TSPAN5: variants seen among roughly 807,000 people sequenced by gnomAD.
TSPAN5 encodes tetraspanin 5, also known as tetraspanin-5.
Under a neutral mutation model 37.1 loss-of-function variants are expected in TSPAN5, and 10 were observed. The ratio of observed to expected loss-of-function variants is 0.27; its 90% CI spans 0.17 to 0.46. The LOEUF is 0.46. Among genes scored for constraint, TSPAN5 ranks in the 20% least tolerant of loss-of-function variants. The pLI is 1.00. For missense variants in TSPAN5, 195 were observed against 326.6 expected (o/e 0.60, Z 3.11); for synonymous variants, 110 against 118.9 (o/e 0.93, Z 0.48).
intron 1 of TSPAN5, among the ~76,000 whole-genome samples, chr4:98,524,474 T>G (rs931399205): frequency 6.6e-6 from 1 of 152,152 alleles, no homozygotes; most frequent in African/African-American, 2.4e-5. Context: ...TAATTAGTGC[T>G]CCATGTCAAT....
chr4:98,532,037 C>T (rs200772403), intron 1 of TSPAN5, among the ~76,000 whole-genome samples: 27 of 152,228 alleles, frequency 1.8e-4, no homozygotes, highest in African/African-American at 6.0e-4. Flanking sequence ...TAGTTTCTTT[C>T]GCTGTGCAGA....
chr4:98,618,034 C>T (rs1174957191), intron 1 of TSPAN5, among the ~76,000 whole-genome samples: 2 of 152,190 alleles, frequency 1.3e-5, no homozygotes, highest in Non-Finnish European at 2.9e-5. Context: ...AGCTCTTGTA[C>T]ACAACCTTGG....
At chr4:98,598,964 A>G (rs1490131628) in intron 1 of TSPAN5, among the ~76,000 whole-genome samples, 1 of 152,188 alleles carries the variant, frequency 6.6e-6, no homozygotes, top group Non-Finnish European at 1.5e-5. Flanking sequence ...AAGTTTGCCA[A>G]AGAGCAACAG....
intron 1 of TSPAN5, among the ~76,000 whole-genome samples, chr4:98,557,941 G>A (rs369045678): frequency 9.2e-5 from 14 of 152,274 alleles, no homozygotes; most frequent in African/African-American, 3.1e-4. Flanking sequence ...CTACGAAACT[G>A]TCACAGCCAA....
At position 98,615,934 on chromosome 4, in the gene TSPAN5, C is replaced by T. The variant is rs556117360; in HGVS notation, c.81+42212G>A. Among the ~76,000 whole-genome samples, 6 of 152,246 alleles carry T rather than the reference C, an allele frequency of 3.9e-5. No individual in the cohort carries two copies. The East Asian group carries it at 5.8e-4, about 15-fold the overall frequency. ...GAAATGTCAGGGCACGTGGCAACTA[C>T]AGCAAGAGAAGAAGCAGAACAAGTG... On this transcript the variant is annotated intron_variant, in intron 1 of 7. Coordinates refer to ENST00000305798, the MANE Select transcript of TSPAN5 (RefSeq NM_005723.4).
At chr4:98,501,660 G>C (rs1030069872) in intron 2 of TSPAN5, among the ~76,000 whole-genome samples, 1 of 152,146 alleles carries the variant, frequency 6.6e-6, no homozygotes, top group Non-Finnish European at 1.5e-5. Context: ...CTGGGGTTGT[G>C]GGGGTATGTT....
Position 98,553,448 on chromosome 4 carries a change from A to G in TSPAN5, c.82-45720T>C, listed in dbSNP as rs548892090. Reference sequence around the variant, plus strand: ...TATGCATTTCCTAAATTGTCTGTCTAGAACATGTTATCTTGATAATGGGGA... The same window carrying G: ...TATGCATTTCCTAAATTGTCTGTCTGGAACATGTTATCTTGATAATGGGGA... On this transcript the variant is annotated intron_variant, in intron 1 of 7. Coordinates refer to ENST00000305798, the MANE Select transcript of TSPAN5 (RefSeq NM_005723.4). Among the ~76,000 whole-genome samples the G allele has an allele frequency of 8.5e-5, 13 of 152,360 alleles. No individual in the cohort carries two copies. In the South Asian group the frequency reaches 2.5e-3, roughly 29 times the overall value.
chr4:98,634,224 T>C (rs1756807420), intron 1 of TSPAN5, among the ~76,000 whole-genome samples: 1 of 152,142 alleles, frequency 6.6e-6, no homozygotes, highest in African/African-American at 2.4e-5. Context: ...CAAATATACA[T>C]GGGAGTATCA....
chr4:98,550,620 T>G (rs1754592859), intron 1 of TSPAN5, among the ~76,000 whole-genome samples: 1 of 151,844 alleles, frequency 6.6e-6, no homozygotes, highest in Non-Finnish European at 1.5e-5. Context: ...TTTTTTTTTT[T>G]TTTTCTGGTA....
intron 1 of TSPAN5, among the ~76,000 whole-genome samples, chr4:98,551,735 C>T (rs1754623301): frequency 6.6e-6 from 1 of 151,400 alleles, no homozygotes; most frequent in Non-Finnish European, 1.5e-5. Flanking sequence ...CTCCTGACCT[C>T]GTGATCCACA....
chr4:98,549,292 G>GGTTTTTTTTTTTTTTTTTT (rs1560532920), intron 1 of TSPAN5, among the ~76,000 whole-genome samples: 1 of 147,114 alleles, frequency 6.8e-6, no homozygotes, highest in African/African-American at 2.6e-5. Context: ...TTGTTTGTTT[G>GGTTTTTTTTTTTTTTTTTT]TTTGTTTTTG....
At chr4:98,567,333 A>C (rs892349724) in intron 1 of TSPAN5, among the ~76,000 whole-genome samples, 3 of 152,234 alleles carry the variant, frequency 2.0e-5, no homozygotes, top group East Asian at 1.9e-4. Context: ...AACACACACA[A>C]AAAAAGAAGA....
At chr4:98,620,036 T>C (rs1315607541) in intron 1 of TSPAN5, among the ~76,000 whole-genome samples, 2 of 152,062 alleles carry the variant, frequency 1.3e-5, no homozygotes, top group East Asian at 1.9e-4. Flanking sequence ...CATGGAGAAT[T>C]TGGGCAGTTT....
At chr4:98,507,484 G>A (rs1753504036) in intron 2 of TSPAN5, among the ~76,000 whole-genome samples, 194 bp downstream of exon 2, 1 of 152,166 alleles carries the variant, frequency 6.6e-6, no homozygotes, top group South Asian at 2.1e-4. Context: ...TAATTATTTT[G>A]ATGCAGTCAT....
rs368910973 is a variant in TSPAN5 at position 98,475,097 on chromosome 4, T to G, written c.741+1092A>C. On this transcript the variant is annotated intron_variant, in intron 7 of 7. Coordinates refer to ENST00000305798, the MANE Select transcript of TSPAN5 (RefSeq NM_005723.4). Reference sequence around the variant, plus strand: ...GTACTAAGTTTTGAACTGGGTAGTGTGAATTCTCCAACTTTGTTTTACTTT... The same window carrying G: ...GTACTAAGTTTTGAACTGGGTAGTGGGAATTCTCCAACTTTGTTTTACTTT... Among the ~76,000 whole-genome samples the G allele has an allele frequency of 1.4e-4, 22 of 152,378 alleles. 1 individual carries two copies. The South Asian group carries it at 4.6e-3, about 32-fold the overall frequency.
At chr4:98,551,468 G>C (rs1754613101) in intron 1 of TSPAN5, among the ~76,000 whole-genome samples, 1 of 142,066 alleles carries the variant, frequency 7.0e-6, no homozygotes, top group Non-Finnish European at 1.5e-5. Context: ...GTTCTTCTTT[G>C]TATGGTTTTT....
At chr4:98,576,547 T>C (rs1471872885) in intron 1 of TSPAN5, among the ~76,000 whole-genome samples, 2 of 151,960 alleles carry the variant, frequency 1.3e-5, no homozygotes, top group Non-Finnish European at 2.9e-5. Flanking sequence ...CGAGACCAGC[T>C]TGGGCAAAAA....
At chr4:98,554,053 C>T (rs890584787) in intron 1 of TSPAN5, among the ~76,000 whole-genome samples, 7 of 150,942 alleles carry the variant, frequency 4.6e-5, no homozygotes, top group Non-Finnish European at 8.8e-5. Flanking sequence ...GGTGACAGAG[C>T]GAGACTCTAT....
intron 1 of TSPAN5, among the ~76,000 whole-genome samples, chr4:98,581,484 T>G (rs1336926794): frequency 6.6e-6 from 1 of 152,222 alleles, no homozygotes; most frequent in Non-Finnish European, 1.5e-5. Context: ...TCTAGGCAAC[T>G]CTGCTCTTGT....
Sources: allele counts gnomAD v4.1 joint callset (sites outside exome capture counted in the v4.1 genomes callset), GRCh38; gene constraint gnomAD v4.1.1; transcripts MANE v1.5; gene names NCBI Gene and HGNC (gene_info 2026-07-23, HGNC 2026-07-21).